Variants in ADAMTS9 observed in about 807,000 individuals in gnomAD.
ADAMTS9 encodes the protein ADAM metallopeptidase with thrombospondin type 1 motif 9, also known as A disintegrin and metalloproteinase with thrombospondin motifs 9.
A neutral mutation model predicts 257.1 loss-of-function variants in ADAMTS9; 107 were observed. That is an observed-to-expected ratio of 0.42 (90% CI 0.36 to 0.49). The LOEUF is 0.49. Ranked by LOEUF, ADAMTS9 falls within the 20% of genes least tolerant of loss-of-function variation. ADAMTS9 has a pLI of 0.03. For synonymous variants in ADAMTS9, 982 were observed against 880.9 expected, an observed-to-expected ratio of 1.11 and a Z score of -2.03; for missense variants, 2,353 against 2,469.1, an observed-to-expected ratio of 0.95 and a Z score of 1.00.
chr3:64,639,314 A>ATTTTTTTT (rs1559805129), intron 12 of ADAMTS9, among the ~76,000 whole-genome samples: 15 of 79,802 alleles, frequency 1.9e-4, no homozygotes, highest in Non-Finnish European at 2.8e-4. Context: ...TTTTTTTTTA[A>ATTTTTTTT]AAAAAAAAAA....
rs750462862 is a variant in ADAMTS9, at chr3:64,596,949, C to A, written c.4060G>T (p.Val1354Leu). 6.2e-7 allele frequency: 1 copy of A among 1,612,360 alleles called. No homozygotes were observed. Among genetic ancestry groups the A allele is most frequent in the South Asian group, 1.1e-5 (1 of 91,022 alleles). ...GTGTATCCATTTTCATCCTGACATA[C>A]AACAACACGCCGCTGGGATCCGCCA... ...CAGGSQRRVVVCQDENGYTAN... is the reference protein window; with the variant it reads ...CAGGSQRRVVLCQDENGYTAN... Residue 1354 changes from valine to leucine, a missense_variant, in exon 27 of 40, where the codon GTA becomes TTA. Physicochemically the swap from Val to Leu is conservative, Grantham distance 32. Transcript: ENST00000498707.
At chr3:64,592,576 T>C (rs1425392263) in intron 28 of ADAMTS9, 1 of 152,246 alleles carries the variant, frequency 6.6e-6, no homozygotes, top group Non-Finnish European at 1.5e-5. Context: ...AATTAATTTA[T>C]AATTCTCTAA....
intron 38 of ADAMTS9, among the ~76,000 whole-genome samples, chr3:64,522,836 C>T (rs1298580504): frequency 3.3e-5 from 5 of 151,992 alleles, no homozygotes; most frequent in African/African-American, 1.2e-4. Context: ...TTGAATGTTG[C>T]ACTTTTAAGG....
Position 64,541,534 on chromosome 3 carries a change from G to C in ADAMTS9, c.5284C>G (p.Leu1762Val), listed in dbSNP as rs753239746. The C allele has an allele frequency of 6.2e-7, 1 of 1,613,654 alleles. No homozygotes were observed. Among genetic ancestry groups the C allele is most frequent in the Non-Finnish European group, 8.5e-7 (1 of 1,179,590 alleles). The change falls in exon 34 of 40, where the codon CTT becomes GTT. Residue 1762 changes from leucine to valine, a missense_variant. By Grantham distance (32) the Leu-to-Val change is conservative (BLOSUM62 1). Transcript: ENST00000498707. ...TGGTGTCTGACATTCACCTTCAGAA[G>C]CTTTCCTCTAATCATCAGGAAATAT... ...GEYFLMIRGKLLKIFCAGMHS... is the reference protein window; with the variant it reads ...GEYFLMIRGKVLKIFCAGMHS...
intron 38 of ADAMTS9, among the ~76,000 whole-genome samples, chr3:64,526,194 A>G (rs1559746658): frequency 6.6e-6 from 1 of 151,228 alleles, no homozygotes; most frequent in South Asian, 2.1e-4. Context: ...TCCCACCTCA[A>G]AGAAAAGATA....
At chr3:64,610,028 C>T (rs2084636610) in intron 22 of ADAMTS9, among the ~76,000 whole-genome samples, 1 of 152,206 alleles carries the variant, frequency 6.6e-6, no homozygotes, top group African/African-American at 2.4e-5. Flanking sequence ...AGAACAGCCT[C>T]TTCAGCAAGT....
At chr3:64,530,599 CAA>C (rs1171754645) in intron 38 of ADAMTS9, among the ~76,000 whole-genome samples, 6 of 151,670 alleles carry the variant, frequency 4.0e-5, no homozygotes, top group African/African-American at 1.5e-4. Flanking sequence ...AGGCATCTCC[CAA>C]AAGTCTTGGG....
intron 31 of ADAMTS9, among the ~76,000 whole-genome samples, chr3:64,549,345 T>C (rs930247045): frequency 8.5e-5 from 13 of 152,182 alleles, no homozygotes; most frequent in African/African-American, 1.2e-4. Flanking sequence ...TCAAGTCCCA[T>C]AATAAAAGTG....
rs533568477 is a variant in ADAMTS9, at chr3:64,648,055, C to A, written c.1606-11G>T. On this transcript the variant is annotated splice_polypyrimidine_tract_variant and intron_variant, in intron 10 of 39. Coordinates refer to ENST00000498707, the MANE Select transcript of ADAMTS9 (RefSeq NM_182920.2). ...CCGTCTGCACTGCATCTGCTCAATT[C>A]AATGAAATGGCAATTGAGTGACAAG... 1.8e-4 allele frequency: 281 copies of A among 1,599,788 alleles called. 2 individuals carry two copies. In the South Asian group the frequency reaches 3.0e-3, roughly 17 times the overall value.
At chr3:64,544,876 G>T (rs1448391455) in intron 32 of ADAMTS9, among the ~76,000 whole-genome samples, 2 of 152,110 alleles carry the variant, frequency 1.3e-5, no homozygotes, top group Non-Finnish European at 2.9e-5. Flanking sequence ...CTGACAAAGG[G>T]CTAATATCCA....
chr3:64,517,865 C>A (rs2082800479), intron 39 of ADAMTS9, among the ~76,000 whole-genome samples: 1 of 152,124 alleles, frequency 6.6e-6, no homozygotes, highest in African/African-American at 2.4e-5. Flanking sequence ...CCATCTCCTC[C>A]TTTCTGATAA....
chr3:64,579,105 T>G (rs2083928854), intron 28 of ADAMTS9, among the ~76,000 whole-genome samples: 1 of 152,168 alleles, frequency 6.6e-6, no homozygotes, highest in African/African-American at 2.4e-5. Flanking sequence ...CTAACCCTCC[T>G]TCCTCTACTT....
intron 28 of ADAMTS9, among the ~76,000 whole-genome samples, chr3:64,578,032 A>T (rs1384547250): frequency 6.6e-6 from 1 of 152,238 alleles, no homozygotes; most frequent in Non-Finnish European, 1.5e-5. Flanking sequence ...GAAGCAGCTT[A>T]TGTAATTAAT....
At chr3:64,574,122 C>T (rs945888828) in intron 28 of ADAMTS9, among the ~76,000 whole-genome samples, 4 of 152,128 alleles carry the variant, frequency 2.6e-5, no homozygotes, top group East Asian at 1.9e-4. Context: ...ACCTGGAATC[C>T]GACTCATGGT....
chr3:64,631,468 A>G lies in ADAMTS9; in HGVS notation c.2376T>C (p.Asp792=), dbSNP rs749756621. Residue 792 remains aspartate (D), a synonymous_variant, in exon 16 of 40, where the codon GAT becomes GAC. Transcript: ENST00000498707. ...RQHSFSGETD[D]DNYLALSSSK... ...ATCCCATCTCACCTAAGTAGTTGTC[A>G]TCGTCTGTTTCCCCTGAGAAACTGT... The G allele has an allele frequency of 1.9e-6, 3 of 1,614,020 alleles. No homozygotes were observed. In the Admixed American group the frequency reaches 5.0e-5, roughly 27 times the overall value.
At position 64,655,663 on chromosome 3, in the gene ADAMTS9, T is replaced by G; in HGVS notation, c.1082A>C (p.Gln361Pro). Residue 361 changes from glutamine (Q) to proline (P), a missense_variant, in exon 6 of 40, where the codon CAG (glutamine) becomes CCG (proline). This residue lies in a region of ADAMTS9 where 591 missense variants were observed against 569.6 expected (regional missense o/e 1.04). Coordinates refer to ENST00000498707, the MANE Select transcript of ADAMTS9 (RefSeq NM_182920.2). Reference protein sequence around the residue: ...QDGPSISFNAQTTLKNFCQWQ... With the variant: ...QDGPSISFNAPTTLKNFCQWQ... ...CTGGCAAAAGTTTTTTAATGTTGTC[T>G]GAGCATTAAAAGATATGGAAGGCCC... is the stretch of plus-strand genomic sequence containing the variant. 6.2e-7 allele frequency: 1 copy of G among 1,614,104 alleles called. No individual in the cohort carries two copies. Among genetic ancestry groups the G allele is most frequent in the Non-Finnish European group, 8.5e-7 (1 of 1,179,952 alleles).
intron 28 of ADAMTS9, among the ~76,000 whole-genome samples, chr3:64,591,929 C>T (rs2084267091): frequency 6.6e-6 from 1 of 152,156 alleles, no homozygotes; most frequent in Non-Finnish European, 1.5e-5. Flanking sequence ...TTGTTAGTTT[C>T]ACCGTCAGTT....
At chr3:64,612,197 G>T (rs1165488025) in intron 22 of ADAMTS9, among the ~76,000 whole-genome samples, 1 of 151,448 alleles carries the variant, frequency 6.6e-6, no homozygotes, top group East Asian at 1.9e-4. Context: ...TGCATGTTCA[G>T]TTCAAGGAAA....
intron 31 of ADAMTS9, 25 bp from the exon 32 acceptor site, chr3:64,546,977 G>A: frequency 6.3e-7 from 1 of 1,589,474 alleles, no homozygotes; most frequent in African/African-American, 1.3e-5. Flanking sequence ...ATTGAGAGGA[G>A]AGGTTCGAGC....
Sources: gnomAD v4.1 joint callset for allele counts (sites outside exome capture counted in the v4.1 genomes callset) on GRCh38, gnomAD v4.1.1 for gene constraint, gnomAD v4.1.1 regional missense constraint, MANE v1.5 for transcripts, NCBI Gene and HGNC (gene_info 2026-07-23, HGNC 2026-07-21) for gene names.